Variants in SOX6 observed in about 807,000 individuals in gnomAD.
SOX6 encodes SRY-box transcription factor 6, also known as transcription factor SOX-6.
Under a neutral mutation model 97.8 loss-of-function variants are expected in SOX6, and 11 were observed. That is an observed-to-expected ratio of 0.11 (90% CI 0.07 to 0.19). The LOEUF (loss-of-function observed/expected upper bound fraction) is 0.19. Among genes scored for constraint, SOX6 ranks in the 10% least tolerant of loss-of-function variants. SOX6 has a pLI of 1.00. For missense variants in SOX6, 810 were observed against 1,039.5 expected, an observed-to-expected ratio of 0.78 and a Z score of 3.04; for synonymous variants, 360 against 371.4, an observed-to-expected ratio of 0.97 and a Z score of 0.35.
intron 4 of SOX6, among the ~76,000 whole-genome samples, chr11:16,550,078 A>C (rs1489486413): frequency 6.6e-6 from 1 of 152,180 alleles, no homozygotes; most frequent in Non-Finnish European, 1.5e-5. Flanking sequence ...AATGTCCATC[A>C]ATGATAGACT....
intron 6 of SOX6, among the ~76,000 whole-genome samples, chr11:16,131,449 T>C (rs1247648451): frequency 6.6e-6 from 1 of 152,022 alleles, no homozygotes; most frequent in East Asian, 1.9e-4. Context: ...GGATTAATAA[T>C]GCCAAGTGTT....
chr11:16,463,804 C>A (rs1859978568), intron 1 of SOX6, among the ~76,000 whole-genome samples: 4 of 152,334 alleles, frequency 2.6e-5, no homozygotes, highest in East Asian at 1.9e-4. Context: ...TAACTTCAAC[C>A]AATCCACAAC....
chr11:16,536,066 G>A (rs904438549), intron 4 of SOX6, among the ~76,000 whole-genome samples: 1 of 152,164 alleles, frequency 6.6e-6, no homozygotes, highest in Non-Finnish European at 1.5e-5. Context: ...CACATGAGGG[G>A]ACTATTATCA....
intron 3 of SOX6, among the ~76,000 whole-genome samples, chr11:16,268,830 T>G (rs1416595327): frequency 6.6e-6 from 1 of 151,112 alleles, no homozygotes; most frequent in African/African-American, 2.4e-5. Context: ...TTAGGAATAT[T>G]AGTCCTTTAT....
chr11:16,634,583 C>A (rs976294064), intron 3 of SOX6, among the ~76,000 whole-genome samples: 1 of 152,090 alleles, frequency 6.6e-6, no homozygotes, highest in Admixed American at 6.5e-5. Flanking sequence ...TTTATTTAAT[C>A]AAGTCTATTG....
chr11:16,379,447 C>T (rs773351851), intron 1 of SOX6, among the ~76,000 whole-genome samples: 1 of 150,840 alleles, frequency 6.6e-6, no homozygotes, highest in Non-Finnish European at 1.5e-5. Context: ...GCCTGAGCAA[C>T]AAGAGCAAAA....
intron 4 of SOX6, among the ~76,000 whole-genome samples, chr11:16,502,573 T>C (rs943686974): frequency 6.6e-6 from 1 of 151,572 alleles, no homozygotes; most frequent in African/African-American, 2.4e-5. Flanking sequence ...AAATAAAAAA[T>C]ACATTTGAAA....
intron 3 of SOX6, chr11:16,311,391 T>C (rs1165597623): frequency 6.6e-6 from 1 of 152,140 alleles, no homozygotes; most frequent in Non-Finnish European, 1.5e-5. Context: ...GTATCATTCA[T>C]ACAGATTTAC....
intron 8 of SOX6, 39 bp downstream of exon 8, chr11:16,097,570 A>T: frequency 6.4e-7 from 1 of 1,566,096 alleles, no homozygotes; most frequent in Non-Finnish European, 8.8e-7. Context: ...CCACTAAAGT[A>T]CTGGCTCATA....
chr11:16,353,673 T>C (rs1486140196), intron 1 of SOX6, among the ~76,000 whole-genome samples: 1 of 152,036 alleles, frequency 6.6e-6, no homozygotes, highest in East Asian at 1.9e-4. Flanking sequence ...TCCAATTGTT[T>C]CCATGAATCA....
At chr11:16,157,206 T>C (rs939652168) in intron 6 of SOX6, among the ~76,000 whole-genome samples, 15 of 152,024 alleles carry the variant, frequency 9.9e-5, no homozygotes, top group African/African-American at 3.1e-4. Context: ...TTCCTACTTA[T>C]ACCTCCTTAG....
chr11:16,224,973 G>A (rs1336614505), intron 4 of SOX6, among the ~76,000 whole-genome samples: 1 of 152,006 alleles, frequency 6.6e-6, no homozygotes, highest in Non-Finnish European at 1.5e-5. Context: ...GAGATTCTAT[G>A]ATTCTAGATA....
At chr11:16,564,315 A>G (rs1847844863) in intron 4 of SOX6, among the ~76,000 whole-genome samples, 1 of 152,200 alleles carries the variant, frequency 6.6e-6, no homozygotes, top group African/African-American at 2.4e-5. Flanking sequence ...TAAGACAATT[A>G]CATTATAAAC....
intron 1 of SOX6, among the ~76,000 whole-genome samples, chr11:16,450,166 C>T (rs1226580530): frequency 1.3e-5 from 2 of 152,096 alleles, no homozygotes; most frequent in African/African-American, 4.8e-5. Flanking sequence ...TAAAAAAATA[C>T]TAAAAATCCA....
intron 4 of SOX6, among the ~76,000 whole-genome samples, chr11:16,566,043 C>T (rs1003038051): frequency 6.7e-6 from 1 of 150,350 alleles, no homozygotes; most frequent in Non-Finnish European, 1.5e-5. Context: ...TTGCAGTGAG[C>T]CGAGATCGGG....
intron 6 of SOX6, among the ~76,000 whole-genome samples, chr11:16,132,564 G>C (rs1048518371): frequency 6.6e-6 from 1 of 151,914 alleles, no homozygotes; most frequent in Non-Finnish European, 1.5e-5. Flanking sequence ...TTTCTCTTTT[G>C]TGGGTAAAGG....
chr11:16,379,647 G>T (rs1857750399), intron 1 of SOX6, among the ~76,000 whole-genome samples: 2 of 152,142 alleles, frequency 1.3e-5, no homozygotes, highest in South Asian at 4.2e-4. Flanking sequence ...ATACACTGTT[G>T]ACAAGAGTAA....
intron 3 of SOX6, among the ~76,000 whole-genome samples, chr11:16,665,790 G>T (rs1224973417): frequency 6.6e-6 from 1 of 152,180 alleles, no homozygotes; most frequent in African/African-American, 2.4e-5. Context: ...AGTGGTGGTG[G>T]CCACAGGGGT....
intron 9 of SOX6, among the ~76,000 whole-genome samples, chr11:16,071,920 A>G (rs1215267989): frequency 1.3e-5 from 2 of 152,106 alleles, no homozygotes; most frequent in African/African-American, 4.8e-5. Context: ...TAAAAAAAAA[A>G]AAAAGAAAAA....
Sources: allele counts gnomAD v4.1 joint callset (sites outside exome capture counted in the v4.1 genomes callset), GRCh38; gene constraint gnomAD v4.1.1; transcripts MANE v1.5; gene names NCBI Gene and HGNC (gene_info 2026-07-23, HGNC 2026-07-21).